Variants in DST observed in about 807,000 individuals in gnomAD.
The protein encoded by DST is dystonin.
A neutral mutation model predicts 875.2 loss-of-function variants in DST; 253 were observed. The observed-to-expected ratio is 0.29, with a 90% CI of 0.26 to 0.32. The LOEUF is 0.32. Ranked by LOEUF, DST falls within the 10% of genes least tolerant of loss-of-function variation. The pLI is 1.00. For missense variants in DST, 8,287 were observed against 9,111.6 expected (o/e 0.91, Z 3.68); for synonymous variants, 3,124 against 3,197.1 (o/e 0.98, Z 0.77).
At chr6:56,798,661 T>A (rs1049208144) in intron 4 of DST, among the ~76,000 whole-genome samples, 20 of 152,180 alleles carry the variant, frequency 1.3e-4, no homozygotes, top group Admixed American at 3.3e-4. Flanking sequence ...TATTATTATT[T>A]AAGAAATACA....
At chr6:56,896,819 T>C (rs954394088) in intron 3 of DST, among the ~76,000 whole-genome samples, 2 of 152,256 alleles carry the variant, frequency 1.3e-5, no homozygotes, top group African/African-American at 2.4e-5. Context: ...CTGTTTGTTT[T>C]TTTCTTGCTG....
intron 2 of DST, among the ~76,000 whole-genome samples, chr6:56,904,857 T>C (rs777018810): frequency 1.3e-5 from 2 of 152,198 alleles, no homozygotes; most frequent in Non-Finnish European, 2.9e-5. Context: ...TGGCGCAATA[T>C]CGGCTCACTG....
intron 1 of DST, 49 bp downstream of exon 1, chr6:56,954,358 G>T (rs945112743): frequency 2.3e-6 from 3 of 1,310,324 alleles, no homozygotes; most frequent in East Asian, 4.9e-5. Context: ...CTCCAAATCG[G>T]CTTAATTGTT....
Position 56,466,087 on chromosome 6 carries a change from G to A in DST, c.22678C>T (p.Pro7560Ser). 1 of 1,610,842 alleles carries A rather than the reference G, an allele frequency of 6.2e-7. No individual in the cohort carries two copies. Among genetic ancestry groups the A allele is most frequent in the Non-Finnish European group, 8.5e-7 (1 of 1,177,980 alleles). ...ATAAGCATCTCCTTACCCCTGCAAGGATCATTTTTCACTAAGAACTCATCA... is the reference window on the plus strand; with the variant it reads ...ATAAGCATCTCCTTACCCCTGCAAGAATCATTTTTCACTAAGAACTCATCA... ...ALDEFLVKND[P>S]CRVHHHGSKM... Residue 7560 changes from proline to serine, a missense_variant, in exon 99 of 104, where the codon CCT becomes TCT. This residue lies in a region of DST where 87 missense variants were observed against 209.7 expected (regional missense o/e 0.41). Transcript: ENST00000680361.
Position 56,625,285 on chromosome 6 carries a change from GATAAA to G in DST, c.4723-26_4723-22del, listed in dbSNP as rs750748684. ...TAGTCCTGTATAAAGGAGTCAATAA[GATAAA>G]ATGAATTGAAGCAAAGTACTAGAGT... On this transcript the variant is annotated intron_variant, in intron 34 of 103. Coordinates refer to ENST00000680361, the MANE Select transcript of DST (RefSeq NM_001374736.1). The G allele has an allele frequency of 8.0e-6, 12 of 1,507,050 alleles. No homozygotes were observed. In the East Asian group the frequency reaches 2.5e-4, roughly 31 times the overall value. 93.4% of individuals were successfully genotyped at this position (1,507,050 alleles called of 1,614,324 possible).
In DST at chr6:56,607,659, T is replaced by C. The variant is rs746103869; in HGVS notation, c.6969A>G (p.Ala2323=). ...CTTTAGGATCAATTGATATTGTACTTGCCAGTTTTCCTGACTGAGAAAATT... is the reference window on the plus strand; with the variant it reads ...CTTTAGGATCAATTGATATTGTACTCGCCAGTTTTCCTGACTGAGAAAATT... ...NSEFSQSGKL[A]STISIDPKVN... The change falls in exon 40 of 104, where the codon GCA becomes GCG. Residue 2323 remains alanine (A), a synonymous_variant. Coordinates refer to ENST00000680361, the MANE Select transcript of DST (RefSeq NM_001374736.1). 12 of 1,613,400 alleles carry C rather than the reference T, an allele frequency of 7.4e-6. No individual in the cohort carries two copies. The South Asian group carries it at 1.2e-4, about 16-fold the overall frequency.
At chr6:56,824,829 G>A (rs1355449747) in intron 4 of DST, among the ~76,000 whole-genome samples, 2 of 152,226 alleles carry the variant, frequency 1.3e-5, no homozygotes, top group Middle Eastern at 6.8e-3. Flanking sequence ...CGTCTGAGAA[G>A]TGAGGAGCGT....
intron 4 of DST, among the ~76,000 whole-genome samples, chr6:56,813,165 A>T (rs1374718278): frequency 6.8e-6 from 1 of 146,266 alleles, no homozygotes; most frequent in East Asian, 2.1e-4. Flanking sequence ...GTTCTCACTC[A>T]TAGGTGGGAA....
intron 2 of DST, among the ~76,000 whole-genome samples, chr6:56,917,070 CAGCAAT>C (rs1191427534): frequency 2.8e-5 from 4 of 142,122 alleles, no homozygotes; most frequent in East Asian, 2.2e-4. Flanking sequence ...TTCTCAGAAA[CAGCAAT>C]AGCCCACTGA....
At chr6:56,810,671 C>A (rs578104767) in intron 4 of DST, among the ~76,000 whole-genome samples, 19 of 151,532 alleles carry the variant, frequency 1.3e-4, no homozygotes, top group African/African-American at 3.9e-4. Flanking sequence ...ACCACCCCTA[C>A]CAAAATTAAA....
intron 15 of DST, chr6:56,642,818 C>T: frequency 3.1e-6 from 5 of 1,613,130 alleles, no homozygotes; most frequent in Non-Finnish European, 3.4e-6. Context: ...TTCTTTCTTT[C>T]ACCTTTCAAA....
At chr6:56,620,326 C>T (rs2098677288) in intron 36 of DST, 1 of 1,614,140 alleles carries the variant, frequency 6.2e-7, no homozygotes, top group East Asian at 2.2e-5. Context: ...TGCGAAAATT[C>T]AGGAGGTTCT....
intron 50 of DST, among the ~76,000 whole-genome samples, chr6:56,578,594 T>G (rs947964914): frequency 6.6e-6 from 1 of 152,108 alleles, no homozygotes; most frequent in Non-Finnish European, 1.5e-5. Flanking sequence ...AAATTTAAAT[T>G]TAAATATACT....
intron 3 of DST, among the ~76,000 whole-genome samples, chr6:56,888,672 T>C (rs1785816316): frequency 6.6e-6 from 1 of 152,210 alleles, no homozygotes; most frequent in Non-Finnish European, 1.5e-5. Flanking sequence ...TGCTTAAGTC[T>C]TTCCTACACT....
At position 56,634,528 on chromosome 6, in the gene DST, G is replaced by A; in HGVS notation, c.3428C>T (p.Ala1143Val). 2 of 1,614,164 alleles carry A rather than the reference G, an allele frequency of 1.2e-6. No homozygotes were observed. The highest frequency in any genetic ancestry group is 1.7e-6 in the Non-Finnish European group (2 of 1,180,032). ...GGTGAAGCACACAGATGGGACCATA[G>A]CCTCATTCCCAGTAGGACTAATGAC... Reference protein sequence around the residue: ...WKVISPTGNEAMVPSVCFTVP... With the variant: ...WKVISPTGNEVMVPSVCFTVP... The change falls in exon 26 of 104, where the codon GCT (alanine) becomes GTT (valine). Residue 1143 changes from alanine (A) to valine (V), a missense_variant. This residue lies in a region of DST where 1,160 missense variants were observed against 1,424.3 expected (regional missense o/e 0.81). Coordinates refer to ENST00000680361, the MANE Select transcript of DST (RefSeq NM_001374736.1).
chr6:56,619,702 T>C (rs371906361), intron 36 of DST: 1 of 1,614,038 alleles, frequency 6.2e-7, no homozygotes, highest in Non-Finnish European at 8.5e-7. Context: ...TTTGATTCAA[T>C]TGCCTACCAA....
At chr6:56,494,484 T>C (rs193096316) in intron 82 of DST, among the ~76,000 whole-genome samples, 1 of 152,246 alleles carries the variant, frequency 6.6e-6, no homozygotes, top group East Asian at 1.9e-4. Flanking sequence ...AACTAATTAG[T>C]TCTGTGAGTT....
intron 36 of DST, among the ~76,000 whole-genome samples, chr6:56,622,299 G>A (rs1236956320): frequency 2.6e-5 from 4 of 152,090 alleles, no homozygotes; most frequent in Non-Finnish European, 4.4e-5. Context: ...GGCTGGGCAC[G>A]GTGGCTCATG....
chr6:56,754,882 A>C (rs1413610029), intron 4 of DST, among the ~76,000 whole-genome samples: 1 of 152,140 alleles, frequency 6.6e-6, no homozygotes, highest in Non-Finnish European at 1.5e-5. Context: ...AGTTAGTATA[A>C]GTTATTCAGA....
Sources: gnomAD v4.1 joint callset for allele counts (sites outside exome capture counted in the v4.1 genomes callset) on GRCh38, gnomAD v4.1.1 for gene constraint, gnomAD v4.1.1 regional missense constraint, MANE v1.5 for transcripts, NCBI Gene and HGNC (gene_info 2026-07-23, HGNC 2026-07-21) for gene names.